KCNK2: variants seen among roughly 807,000 people sequenced by gnomAD.
The protein encoded by KCNK2 is potassium two pore domain channel subfamily K member 2, also known as potassium channel subfamily K member 2.
KCNK2 carries 21 observed loss-of-function variants against 40.5 expected under a neutral mutation model. The observed-to-expected ratio is 0.52, with a 90% CI of 0.37 to 0.75. The LOEUF is 0.75. KCNK2 is among the 30% of genes least tolerant of loss of function. The pLI, the probability that KCNK2 is intolerant of heterozygous loss-of-function variation, is 0.00. For synonymous variants in KCNK2, 191 were observed against 202.2 expected, an observed-to-expected ratio of 0.94 and a Z score of 0.47; for missense variants, 399 against 531.6, an observed-to-expected ratio of 0.75 and a Z score of 2.45.
At chr1:215,022,128 TA>T (rs1393052862) in intron 1 of KCNK2, among the ~76,000 whole-genome samples, 6 of 34,714 alleles carry the variant, frequency 1.7e-4, no homozygotes, top group South Asian at 6.0e-4. Flanking sequence ...TCTATCTATC[TA>T]ATCATCTATC....
At chr1:215,109,527 A>G (rs1660588202) in intron 2 of KCNK2, among the ~76,000 whole-genome samples, 1 of 151,948 alleles carries the variant, frequency 6.6e-6, no homozygotes, top group Non-Finnish European at 1.5e-5. Context: ...TGTTGCTACA[A>G]GTGACATGAT....
At chr1:215,060,548 G>A (rs1025940161) in intron 1 of KCNK2, among the ~76,000 whole-genome samples, 5 of 152,152 alleles carry the variant, frequency 3.3e-5, no homozygotes, top group African/African-American at 7.2e-5. Flanking sequence ...AATTGGATCC[G>A]GTTTCCTTTT....
In KCNK2 at chr1:215,022,106, C is replaced by CCTATCTATCTATCTATCTATCTATCTAT. The variant is rs11273303; in HGVS notation, c.34+16174_34+16175insTCTATCTATCTATCTATCTATCTATCTA. On this transcript the variant is annotated intron_variant, in intron 1 of 6. Coordinates refer to the KCNK2 transcript ENST00000391895. ...AGCCAATTGCCACAATAAATCCCCTCCTATCTATCTATCTATCTATCTAAT... is the reference window on the plus strand; with the variant it reads ...AGCCAATTGCCACAATAAATCCCCTCCTATCTATCTATCTATCTATCTATCTATCTATCTATCTATCTATCTATCTAAT... 7.0e-3 allele frequency among the ~76,000 whole-genome samples: 763 copies of CCTATCTATCTATCTATCTATCTATCTAT among 109,296 alleles called. 4 individuals are homozygous for CCTATCTATCTATCTATCTATCTATCTAT. Among genetic ancestry groups the CCTATCTATCTATCTATCTATCTATCTAT allele is most frequent in the Admixed American group, 9.2e-3 (108 of 11,768 alleles). 71.7% of individuals were successfully genotyped at this position (109,296 alleles called of 152,430 possible).
intron 3 of KCNK2, among the ~76,000 whole-genome samples, chr1:215,159,998 C>T (rs1440371024): frequency 2.0e-5 from 3 of 152,088 alleles, no homozygotes; most frequent in African/African-American, 7.2e-5. Context: ...CTCCATTCTT[C>T]AAAAACATAA....
chr1:215,165,841 G>A (rs1663419513), intron 3 of KCNK2, among the ~76,000 whole-genome samples: 1 of 151,970 alleles, frequency 6.6e-6, no homozygotes, highest in Admixed American at 6.6e-5. Context: ...ATAACAATAT[G>A]CCCTGTTAAC....
intron 1 of KCNK2, among the ~76,000 whole-genome samples, chr1:215,075,030 T>C (rs1658878807): frequency 6.6e-6 from 1 of 152,226 alleles, no homozygotes; most frequent in Non-Finnish European, 1.5e-5. Flanking sequence ...GAATGTTATC[T>C]TAATTTAAAT....
intron 3 of KCNK2, among the ~76,000 whole-genome samples, chr1:215,150,367 G>A (rs915477566): frequency 2.6e-5 from 4 of 152,056 alleles, no homozygotes; most frequent in African/African-American, 7.2e-5. Context: ...TTCACATAGG[G>A]TGAATTTTTT....
At chr1:215,169,883 T>C (rs1663622864) in intron 4 of KCNK2, among the ~76,000 whole-genome samples, 1 of 152,136 alleles carries the variant, frequency 6.6e-6, no homozygotes. Context: ...CGACCTCCAA[T>C]GATCTGCCCA....
At chr1:215,135,465 A>G (rs1403186488) in intron 3 of KCNK2, among the ~76,000 whole-genome samples, 1 of 151,994 alleles carries the variant, frequency 6.6e-6, no homozygotes, top group Non-Finnish European at 1.5e-5. Flanking sequence ...TTTTATTATT[A>G]GTGTAAGCCA....
intron 3 of KCNK2, among the ~76,000 whole-genome samples, chr1:215,141,056 AC>A (rs1398999594): frequency 2.0e-5 from 3 of 151,972 alleles, no homozygotes; most frequent in Non-Finnish European, 2.9e-5. Context: ...GCCTAGACCT[AC>A]ACAGGGTTAG....
At chr1:215,017,718 A>G (rs1033196670) in intron 1 of KCNK2, among the ~76,000 whole-genome samples, 1 of 152,178 alleles carries the variant, frequency 6.6e-6, no homozygotes, top group Non-Finnish European at 1.5e-5. Flanking sequence ...CTAGGAGAAT[A>G]GATTTTGTGT....
At chr1:215,119,369 T>C (rs1001013871) in intron 2 of KCNK2, among the ~76,000 whole-genome samples, 1 of 152,198 alleles carries the variant, frequency 6.6e-6, no homozygotes, top group African/African-American at 2.4e-5. Context: ...AAATTCACAG[T>C]GGAACTTTGT....
intron 5 of KCNK2, among the ~76,000 whole-genome samples, chr1:215,193,209 A>G (rs1664737468): frequency 6.6e-6 from 1 of 152,112 alleles, no homozygotes; most frequent in Admixed American, 6.6e-5. Context: ...CAATAATGTT[A>G]TACTCAGTAT....
chr1:215,092,669 G>A (rs1389321366), intron 2 of KCNK2, among the ~76,000 whole-genome samples: 1 of 152,096 alleles, frequency 6.6e-6, no homozygotes, highest in Non-Finnish European at 1.5e-5. Flanking sequence ...GCCTAAAATG[G>A]GGTGTCAGCC....
intron 5 of KCNK2, among the ~76,000 whole-genome samples, chr1:215,183,718 A>C (rs993593792): frequency 6.6e-6 from 1 of 152,232 alleles, no homozygotes; most frequent in Non-Finnish European, 1.5e-5. Flanking sequence ...TATTAAAAAC[A>C]TGGTAAAAAT....
At chr1:215,162,869 G>GC (rs1366817770) in intron 3 of KCNK2, among the ~76,000 whole-genome samples, 3 of 94,278 alleles carry the variant, frequency 3.2e-5, no homozygotes, top group Non-Finnish European at 5.4e-5. Flanking sequence ...GATACTGCCA[G>GC]GTTTGTTTTT....
intron 6 of KCNK2, among the ~76,000 whole-genome samples, chr1:215,232,083 C>T (rs1402545131): frequency 2.0e-5 from 3 of 152,162 alleles, no homozygotes; most frequent in Admixed American, 6.6e-5. Flanking sequence ...TGCCTTTCGA[C>T]CCAGTGTTTC....
chr1:215,166,529 T>TA (rs1317145054), intron 3 of KCNK2, among the ~76,000 whole-genome samples: 1 of 152,082 alleles, frequency 6.6e-6, no homozygotes, highest in Non-Finnish European at 1.5e-5. Flanking sequence ...GTGTTACAGA[T>TA]ATTCCCAGAG....
At chr1:215,044,512 G>T (rs1249190111) in intron 1 of KCNK2, among the ~76,000 whole-genome samples, 2 of 151,842 alleles carry the variant, frequency 1.3e-5, no homozygotes, top group South Asian at 2.1e-4. Flanking sequence ...TATCAAATGG[G>T]AATAATAATA....
Sources: gnomAD v4.1 joint callset for allele counts (sites outside exome capture counted in the v4.1 genomes callset) on GRCh38, gnomAD v4.1.1 for gene constraint, MANE v1.5 for transcripts, NCBI Gene and HGNC (gene_info 2026-07-23, HGNC 2026-07-21) for gene names.